The following TSPEAR variants were observed in gnomAD, a reference collection of about 807,000 sequenced individuals.
TSPEAR encodes the protein thrombospondin-type laminin G domain and EAR repeat-containing protein.
Under a neutral mutation model 71.6 loss-of-function variants are expected in TSPEAR, and 69 were observed. The ratio of observed to expected loss-of-function variants is 0.96; its 90% CI spans 0.79 to 1.18. The LOEUF (loss-of-function observed/expected upper bound fraction) is 1.18. Among genes scored for constraint, TSPEAR ranks in the 50% most tolerant of loss-of-function variants. The pLI, the probability that TSPEAR is intolerant of heterozygous loss-of-function variation, is 0.00. For missense variants in TSPEAR, 971 were observed against 894.9 expected (o/e 1.09, Z -1.09); for synonymous variants, 402 against 387.2 (o/e 1.04, Z -0.45).
At chr21:44,659,741 G>C (rs988270999) in intron 1 of TSPEAR, among the ~76,000 whole-genome samples, 4 of 151,980 alleles carry the variant, frequency 2.6e-5, no homozygotes, top group Non-Finnish European at 1.5e-5. Context: ...AGCTGAGATT[G>C]CACCACTGCA....
chr21:44,698,071 C>T (rs782395555), intron 1 of TSPEAR: 8 of 1,120,664 alleles, frequency 7.1e-6, no homozygotes, highest in Non-Finnish European at 1.0e-5. Context: ...CTTGGAGATG[C>T]GTGCACAGCC....
At chr21:44,510,131 C>T (rs1555912431) in intron 9 of TSPEAR, among the ~76,000 whole-genome samples, 1 of 152,188 alleles carries the variant, frequency 6.6e-6, no homozygotes, top group Non-Finnish European at 1.5e-5. Context: ...CCTTGAGCTG[C>T]AGGACTGTCT....
At chr21:44,646,284 C>A in intron 1 of TSPEAR, 1 of 882,538 alleles carries the variant, frequency 1.1e-6, no homozygotes, top group Non-Finnish European at 1.7e-6. Flanking sequence ...GCATCTCCAG[C>A]CACCAGCTGT....
chr21:44,510,312 C>A (rs1332536981), intron 9 of TSPEAR, among the ~76,000 whole-genome samples: 1 of 152,186 alleles, frequency 6.6e-6, no homozygotes, highest in South Asian at 2.1e-4. Context: ...GGTCATGCTG[C>A]GGGGCTGTGT....
At chr21:44,647,633 A>C (rs1984520429) in intron 1 of TSPEAR, 3 of 484,844 alleles carry the variant, frequency 6.2e-6, no homozygotes, top group East Asian at 3.7e-5. Flanking sequence ...CTAATCAATA[A>C]ATTCTTGAGT....
rs73377696 is a variant in TSPEAR at position 44,522,177 on chromosome 21, G to A, written c.1337-65C>T. The A allele has an allele frequency of 1.8e-3, 2,671 of 1,503,046 alleles. 37 individuals are homozygous for A. In the African/African-American group the frequency reaches 0.027, roughly 15 times the overall value. 93.1% of individuals were successfully genotyped at this position (1,503,046 alleles called of 1,614,324 possible). On this transcript the variant is annotated intron_variant, in intron 8 of 11. Transcript: ENST00000323084. ...TCCACAGCCCCATGGCAGCCCCGAC[G>A]GAGGCAGAGCCCAGTCCAAGTCCCT...
chr21:44,661,780 G>A (rs1985509803), intron 1 of TSPEAR, among the ~76,000 whole-genome samples: 1 of 152,228 alleles, frequency 6.6e-6, no homozygotes, highest in African/African-American at 2.4e-5. Flanking sequence ...GGGGCTGGGG[G>A]AGGGGCCACA....
chr21:44,613,485 C>A (rs1359308241), intron 1 of TSPEAR, among the ~76,000 whole-genome samples: 15 of 152,284 alleles, frequency 9.9e-5, no homozygotes, highest in African/African-American at 3.1e-4. Context: ...ACCCACTGTC[C>A]CACCTGGGAG....
chr21:44,562,104 C>T (rs1323803018), intron 2 of TSPEAR, among the ~76,000 whole-genome samples: 4 of 152,110 alleles, frequency 2.6e-5, no homozygotes, highest in African/African-American at 9.7e-5. Flanking sequence ...CTCAAAAATT[C>T]CTTAAGCTGA....
Position 44,504,838 on chromosome 21 carries a change from G to A in TSPEAR, c.1798C>T (p.Leu600=). The stretch of plus-strand genomic sequence containing the variant: ...CCATCGAAGGAGTTGGCCACCACCA[G>A]GAAATAATCTTCTCCCACCGAGAAA... ...EFFSVGEDYF[L]VVANSFDGRT... Residue 600 remains leucine, a synonymous_variant, in exon 11 of 12, where the codon CTG becomes TTG. Coordinates refer to ENST00000323084, the MANE Select transcript of TSPEAR (RefSeq NM_144991.3). 6.2e-7 allele frequency: 1 copy of A among 1,612,810 alleles called. No homozygotes were observed. The highest frequency in any genetic ancestry group is 8.5e-7 in the Non-Finnish European group (1 of 1,179,632).
chr21:44,548,855 T>C (rs587683544), intron 2 of TSPEAR, among the ~76,000 whole-genome samples: 1 of 152,184 alleles, frequency 6.6e-6, no homozygotes, highest in African/African-American at 2.4e-5. Flanking sequence ...CAATGCCACT[T>C]TTAGGAATTT....
chr21:44,567,817 C>G lies in TSPEAR; in HGVS notation c.271G>C (p.Val91Leu), dbSNP rs1555921926. 1 of 1,594,716 alleles carries G rather than the reference C, an allele frequency of 6.3e-7. No homozygotes were observed. The highest frequency in any genetic ancestry group is 8.6e-7 in the Non-Finnish European group (1 of 1,169,116). The change falls in exon 2 of 12, where the codon GTA becomes CTA. Residue 91 changes from valine (V) to leucine (L), a missense_variant. Coordinates refer to ENST00000323084, the MANE Select transcript of TSPEAR (RefSeq NM_144991.3). ...GGAAGATTGGGAACTCTCAAAGTTA[C>G]GACGATGGAAAATTCTTCAGGGAAG... ...DLFPEEFSIV[V>L]TLRVPNLPPK...
At chr21:44,548,432 C>T (rs1446404892) in intron 2 of TSPEAR, among the ~76,000 whole-genome samples, 2 of 152,166 alleles carry the variant, frequency 1.3e-5, no homozygotes, top group African/African-American at 2.4e-5. Context: ...TGAACTCCAC[C>T]CCCTTTGTTG....
Position 44,646,670 on chromosome 21 carries a change from G to A in TSPEAR, c.82+64763C>T, listed in dbSNP as rs1984404278. ...GAGCCCAGCGCCTGCCAATCAGGCT[G>A]CACCAGCTCCTGCACGCCGTCATGC... On this transcript the variant is annotated intron_variant, in intron 1 of 11. Transcript: ENST00000323084. 2 of 1,613,882 alleles carry A rather than the reference G, an allele frequency of 1.2e-6. No homozygotes were observed. The highest frequency in any genetic ancestry group is 2.7e-5 in the African/African-American group (2 of 74,940).
chr21:44,651,683 C>A (rs935115850), intron 1 of TSPEAR, among the ~76,000 whole-genome samples: 1 of 152,134 alleles, frequency 6.6e-6, no homozygotes, highest in Non-Finnish European at 1.5e-5. Context: ...GGTACTCTCC[C>A]ATTAGCCACA....
At chr21:44,669,081 A>G (rs1263050565) in intron 1 of TSPEAR, among the ~76,000 whole-genome samples, 2 of 152,246 alleles carry the variant, frequency 1.3e-5, no homozygotes, top group Non-Finnish European at 1.5e-5. Flanking sequence ...AGGAAGAAAA[A>G]GAATTAAGAA....
chr21:44,531,303 G>T (rs2052966200), intron 3 of TSPEAR, among the ~76,000 whole-genome samples, 170 bp from the exon 4 acceptor site: 1 of 152,214 alleles, frequency 6.6e-6, no homozygotes, highest in African/African-American at 2.4e-5. Context: ...GAGCCCAGTA[G>T]CCTGGATCAG....
At position 44,530,916 on chromosome 21, in the gene TSPEAR, G is replaced by A. The variant is rs77333361; in HGVS notation, c.633+127C>T. ...GAAGGCCCTGTGGTAGAGACTCCAC[G>A]CACGCTGTACCTTCTTTTCCCAGTT... is the stretch of plus-strand genomic sequence containing the variant. On this transcript the variant is annotated intron_variant, in intron 4 of 11. Transcript: ENST00000323084. The A allele has an allele frequency of 7.7e-3, 5,964 of 774,162 alleles. 175 individuals carry two copies. The highest frequency in any genetic ancestry group is 0.056 in the South Asian group (3,834 of 68,352). 48.0% of individuals were successfully genotyped at this position (774,162 alleles called of 1,614,324 possible). A position where few individuals can be genotyped will look rare whatever the true frequency, so the allele number is the denominator to read the frequency against.
chr21:44,533,570 A>G (rs387189), intron 3 of TSPEAR, 115 bp downstream of exon 3: 1 of 881,614 alleles, frequency 1.1e-6, no homozygotes, highest in Non-Finnish European at 1.7e-6. Context: ...GACCCTGGTC[A>G]GCTCCTGCCC....
Sources: allele counts gnomAD v4.1 joint callset (sites outside exome capture counted in the v4.1 genomes callset), GRCh38; gene constraint gnomAD v4.1.1; transcripts MANE v1.5; gene names NCBI Gene and HGNC (gene_info 2026-07-23, HGNC 2026-07-21).